Variants in PCDHGA1 observed in about 807,000 individuals in gnomAD.
The protein encoded by PCDHGA1 is protocadherin gamma subfamily A, 1.
PCDHGA1 carries 32 observed loss-of-function variants against 58.0 expected under a neutral mutation model. The observed-to-expected ratio is 0.55, with a 90% CI of 0.42 to 0.74. The LOEUF (loss-of-function observed/expected upper bound fraction) is 0.74, where lower values mean the gene tolerates loss of function less well. PCDHGA1 is among the 30% of genes least tolerant of loss of function. The probability of loss-of-function intolerance (pLI) is 0.00; values close to 1 mark genes in which losing one functional copy is unlikely to be tolerated. For synonymous variants in PCDHGA1, 498 were observed against 501.1 expected (o/e 0.99, Z 0.08); for missense variants, 1,205 against 1,182.3 (o/e 1.02, Z -0.28).
chr5:141,355,102 C>A, intron 1 of PCDHGA1: 1 of 1,501,220 alleles, frequency 6.7e-7, no homozygotes, highest in Middle Eastern at 2.5e-4. Context: ...AGAGCTCTGG[C>A]TGTGAATGCA....
At chr5:141,367,537 A>AAAGT (rs373624904) in intron 1 of PCDHGA1, 2,027 of 147,518 alleles carry the variant, frequency 0.014, 47 homozygotes, top group African/African-American at 0.049. Flanking sequence ...ACTCCGTCTC[A>AAAGT]AAATAAATAA....
At chr5:141,421,934 T>C (rs1478005202) in intron 1 of PCDHGA1, 1 of 1,613,548 alleles carries the variant, frequency 6.2e-7, no homozygotes, top group Admixed American at 1.7e-5. Context: ...GTCCTCGATG[T>C]AAATGATCAC....
intron 1 of PCDHGA1, chr5:141,362,184 C>G: frequency 1.2e-6 from 2 of 1,614,058 alleles, no homozygotes; most frequent in Non-Finnish European, 1.7e-6. Flanking sequence ...AGCCCTCTGA[C>G]CCCCAGGCAA....
chr5:141,366,906 C>A, intron 1 of PCDHGA1: 1 of 1,142,114 alleles, frequency 8.8e-7, no homozygotes, highest in South Asian at 1.7e-5. Context: ...ATGCTTTCTC[C>A]ATTTGTTTTC....
intron 1 of PCDHGA1, chr5:141,373,808 A>C (rs1769864521): frequency 5.8e-6 from 2 of 342,678 alleles, no homozygotes; most frequent in South Asian, 1.1e-4. Flanking sequence ...TCTGTGTGAT[A>C]GTTTCACAAA....
Position 141,334,764 on chromosome 5 carries a change from T to TAAA in PCDHGA1, c.2421+1659_2421+1660insAAA, listed in dbSNP as rs1379704812. ...TGAGCTGTGGTATCCAGAATATCAC[T>TAAA]GCTGTGCATCATTAAAGCGTCATTA... On this transcript the variant is annotated intron_variant, in intron 1 of 3. Transcript: ENST00000517417. This position sits in a 1 kb window ranked among gnomAD's most constrained non-coding sequence, Gnocchi z 4.6. 6.6e-6 allele frequency: 1 copy of TAAA among 152,202 alleles called. No individual in the cohort carries two copies. The highest frequency in any genetic ancestry group is 1.5e-5 in the Non-Finnish European group (1 of 68,050). 9.4% of individuals were successfully genotyped at this position (152,202 alleles called of 1,614,324 possible). A position where few individuals can be genotyped will look rare whatever the true frequency, so the allele number is the denominator to read the frequency against.
chr5:141,479,188 A>G (rs2099489531), intron 1 of PCDHGA1: 1 of 152,606 alleles, frequency 6.6e-6, no homozygotes. Context: ...TAGAAAATTC[A>G]GAAAATACAG....
chr5:141,397,271 T>C (rs552218945), intron 1 of PCDHGA1, among the ~76,000 whole-genome samples: 1 of 152,312 alleles, frequency 6.6e-6, no homozygotes, highest in East Asian at 1.9e-4. Context: ...AGCTACATCA[T>C]ATGGGCAGTA....
rs1485715812 is a variant in PCDHGA1, at chr5:141,485,804, G to T, written c.2422-9003G>T. The T allele has an allele frequency of 6.2e-7, 1 of 1,614,218 alleles. No individual in the cohort carries two copies. The highest frequency in any genetic ancestry group is 1.7e-5 in the Admixed American group (1 of 60,026). ...AGAGAAGCAATCGGACTACCGCCTG[G>T]TGCTGACTGCTGTCGATGGAGGGAA... On this transcript the variant is annotated intron_variant, in intron 1 of 3. Coordinates refer to ENST00000517417, the MANE Select transcript of PCDHGA1 (RefSeq NM_018912.3). This position sits in a 1 kb window ranked among gnomAD's most constrained non-coding sequence, Gnocchi z 5.7.
chr5:141,419,123 A>G (rs2096330317), intron 1 of PCDHGA1: 1 of 1,613,766 alleles, frequency 6.2e-7, no homozygotes, highest in African/African-American at 1.3e-5. Context: ...CAACGTCACC[A>G]TCGCAGCCAC....
chr5:141,383,727 A>G, intron 1 of PCDHGA1: 1 of 1,614,016 alleles, frequency 6.2e-7, no homozygotes, highest in South Asian at 1.1e-5. Flanking sequence ...TCAATGGGGA[A>G]GTGACATATT....
In PCDHGA1 at chr5:141,331,322, C is replaced by T. The variant is rs1466382543; in HGVS notation, c.638C>T (p.Thr213Ile). 1 of 1,614,190 alleles carries T rather than the reference C, an allele frequency of 6.2e-7. No homozygotes were observed. The highest frequency in any genetic ancestry group is 1.7e-5 in the Admixed American group (1 of 60,024). Residue 213 changes from threonine (T) to isoleucine (I), a missense_variant, in exon 1 of 4, where the codon ACA becomes ATA. Coordinates refer to ENST00000517417, the MANE Select transcript of PCDHGA1 (RefSeq NM_018912.3). ...GAAGCTGTCCACCACCTCATCCTCA[C>T]AGCTTCTGATGGGGGTGAACCAGTC... Reference protein sequence around the residue: ...EEEAVHHLILTASDGGEPVRS... With the variant: ...EEEAVHHLILIASDGGEPVRS...
At chr5:141,429,169 T>TACACACACACACACACACAAAC (rs2097191391) in intron 1 of PCDHGA1, 1 of 145,394 alleles carries the variant, frequency 6.9e-6, no homozygotes, top group East Asian at 2.0e-4. Flanking sequence ...ACATTGTTTA[T>TACACACACACACACACACAAAC]ACACACACAC....
At chr5:141,419,432 C>T (rs2096381830) in intron 1 of PCDHGA1, 1 of 1,613,278 alleles carries the variant, frequency 6.2e-7, no homozygotes, top group East Asian at 2.2e-5. Flanking sequence ...CCACGAGCAG[C>T]TGCGCACCTT....
rs1214164512 is a variant in PCDHGA1 at position 141,366,098 on chromosome 5, A to G, written c.2421+32993A>G. ...CGCAGAACCTGGCTACCTGGTGACC[A>G]AGGTGGTAGCGGTGGACAAAGATTC... On this transcript the variant is annotated intron_variant, in intron 1 of 3. Coordinates refer to ENST00000517417, the MANE Select transcript of PCDHGA1 (RefSeq NM_018912.3). The G allele has an allele frequency of 1.9e-6, 3 of 1,614,214 alleles. No homozygotes were observed. In the Admixed American group the frequency reaches 5.0e-5, roughly 27 times the overall value.
Position 141,361,114 on chromosome 5 carries a change from C to G in PCDHGA1, c.2421+28009C>G, listed in dbSNP as rs1440406378. 11 of 1,613,872 alleles carry G rather than the reference C, an allele frequency of 6.8e-6. No individual in the cohort carries two copies. The highest frequency in any genetic ancestry group is 4.5e-5 in the East Asian group (2 of 44,896). On this transcript the variant is annotated intron_variant, in intron 1 of 3. Coordinates refer to ENST00000517417, the MANE Select transcript of PCDHGA1 (RefSeq NM_018912.3). Reference sequence around the variant, plus strand: ...TATCGAAGCAAAAGATCCTGGAGATCTAGCAGCCCACTGCAGTATCCAAGT... The same window carrying G: ...TATCGAAGCAAAAGATCCTGGAGATGTAGCAGCCCACTGCAGTATCCAAGT...
intron 1 of PCDHGA1, chr5:141,340,928 CCT>C (rs747250262): frequency 6.2e-7 from 1 of 1,613,870 alleles, no homozygotes; most frequent in Non-Finnish European, 8.5e-7. Flanking sequence ...CGGCCAGCCC[CCT>C]CTCTCCGCCA....
intron 1 of PCDHGA1, chr5:141,410,439 G>C: frequency 6.2e-7 from 1 of 1,614,008 alleles, no homozygotes; most frequent in Non-Finnish European, 8.5e-7. Context: ...TACAGTGAGG[G>C]GACTTTGCCT....
chr5:141,350,480 GT>G lies in PCDHGA1; in HGVS notation c.2421+17377del, dbSNP rs1758487780. On this transcript the variant is annotated intron_variant, in intron 1 of 3. Coordinates refer to ENST00000517417, the MANE Select transcript of PCDHGA1 (RefSeq NM_018912.3). ...GGTTAGTGCAGAGGATTATTTCAAC[GT>G]TAGTTTGGAGAGCGGGGATTTGTTA... 6 of 1,614,016 alleles carry G rather than the reference GT, an allele frequency of 3.7e-6. No homozygotes were observed. In the East Asian group the frequency reaches 1.1e-4, roughly 30 times the overall value.
Sources: allele counts gnomAD v4.1 joint callset (sites outside exome capture counted in the v4.1 genomes callset), GRCh38; gene constraint gnomAD v4.1.1; non-coding constraint Gnocchi (gnomAD v3.1); transcripts MANE v1.5; gene names NCBI Gene and HGNC (gene_info 2026-07-23, HGNC 2026-07-21).